The following MLLT10 variants were observed in gnomAD, a reference collection of about 807,000 sequenced individuals.
MLLT10 encodes the protein MLLT10 histone lysine methyltransferase DOT1L cofactor.
In MLLT10, 30 loss-of-function variants were observed where a neutral mutation model predicts 129.1. The observed-to-expected ratio is 0.23, with a 90% CI of 0.17 to 0.32. The LOEUF (loss-of-function observed/expected upper bound fraction) is 0.32. MLLT10 is among the 10% of genes least tolerant of loss of function. The probability of loss-of-function intolerance (pLI) is 1.00; values close to 1 mark genes in which losing one functional copy is unlikely to be tolerated. For missense variants in MLLT10, 1,119 were observed against 1,268.3 expected (o/e 0.88, Z 1.79); for synonymous variants, 490 against 446.4 (o/e 1.10, Z -1.23).
At chr10:21,572,817 T>G (rs1414609098) in intron 3 of MLLT10, among the ~76,000 whole-genome samples, 1 of 152,120 alleles carries the variant, frequency 6.6e-6, no homozygotes, top group Non-Finnish European at 1.5e-5. Flanking sequence ...TTCACCATTG[T>G]TGGCCAGGCT....
chr10:21,667,130 A>C (rs1243306334), intron 9 of MLLT10, among the ~76,000 whole-genome samples: 2 of 152,058 alleles, frequency 1.3e-5, no homozygotes, highest in African/African-American at 4.8e-5. Context: ...TTTTTCTTTT[A>C]GTACTCTCCT....
chr10:21,651,178 T>G (rs772236071), intron 8 of MLLT10, among the ~76,000 whole-genome samples: 2 of 152,104 alleles, frequency 1.3e-5, no homozygotes, highest in Non-Finnish European at 2.9e-5. Flanking sequence ...TTCAAGCGAT[T>G]CTCCTGCCTC....
chr10:21,568,724 G>A (rs1253012684), intron 3 of MLLT10, among the ~76,000 whole-genome samples: 2 of 151,912 alleles, frequency 1.3e-5, no homozygotes, highest in Admixed American at 6.6e-5. Context: ...TGCAAACTCC[G>A]CCTCCCGGGT....
intron 8 of MLLT10, among the ~76,000 whole-genome samples, chr10:21,651,369 C>T (rs769722922): frequency 2.0e-5 from 3 of 151,974 alleles, no homozygotes; most frequent in Non-Finnish European, 2.9e-5. Context: ...CATGCCTGGC[C>T]GTATTTGGTG....
At position 21,673,851 on chromosome 10, in the gene MLLT10, A is replaced by C; in HGVS notation, c.1553A>C (p.Lys518Thr). The stretch of plus-strand genomic sequence containing the variant: ...AGCATAACAAGCTCTAGTCTGCAGA[A>C]ATCTCCTACATTGCTCAGGAATGGA... Reference protein sequence around the residue: ...AGSITSSSLQKSPTLLRNGSL... With the variant: ...AGSITSSSLQTSPTLLRNGSL... Residue 518 changes from lysine to threonine, a missense_variant, in exon 11 of 23, where the codon AAA (lysine) becomes ACA (threonine). Physicochemically the swap from Lys to Thr is moderately conservative, Grantham distance 78 (BLOSUM62 -1). Transcript: ENST00000307729. The C allele has an allele frequency of 2.5e-6, 4 of 1,614,072 alleles. No individual in the cohort carries two copies. The highest frequency in any genetic ancestry group is 3.4e-6 in the Non-Finnish European group (4 of 1,179,966).
intron 5 of MLLT10, among the ~76,000 whole-genome samples, chr10:21,605,799 A>G (rs1298728609): frequency 2.6e-5 from 4 of 152,114 alleles, no homozygotes; most frequent in African/African-American, 9.7e-5. Flanking sequence ...AGGGCTTACT[A>G]TCTTTATCTT....
chr10:21,736,601 C>T (rs2058384347), intron 21 of MLLT10, among the ~76,000 whole-genome samples: 1 of 152,164 alleles, frequency 6.6e-6, no homozygotes, highest in Non-Finnish European at 1.5e-5. Flanking sequence ...GAAGACAGAA[C>T]CAACAAGACT....
At chr10:21,541,290 T>C (rs1405299954) in intron 3 of MLLT10, 2 of 152,250 alleles carry the variant, frequency 1.3e-5, no homozygotes, top group Admixed American at 6.5e-5. Context: ...CAATCATTGC[T>C]CACTGCAGCC....
chr10:21,637,477 A>G (rs1028865210), intron 8 of MLLT10, among the ~76,000 whole-genome samples: 4 of 152,208 alleles, frequency 2.6e-5, no homozygotes, highest in Non-Finnish European at 5.9e-5. Context: ...TATACTTTCC[A>G]GAAACTTGTT....
At chr10:21,556,624 T>A in intron 3 of MLLT10, 1 of 1,589,054 alleles carries the variant, frequency 6.3e-7, no homozygotes, top group Non-Finnish European at 8.6e-7. Flanking sequence ...AATAAGGGAT[T>A]GTTTTGATTG....
intron 9 of MLLT10, among the ~76,000 whole-genome samples, chr10:21,654,166 T>A (rs562617648): frequency 3.2e-4 from 49 of 152,274 alleles, no homozygotes; most frequent in Non-Finnish European, 1.5e-5. Context: ...AAAAGCCTGA[T>A]TGGAGTGCTT....
chr10:21,542,966 G>GTT (rs11462782), intron 3 of MLLT10, among the ~76,000 whole-genome samples: 2 of 144,820 alleles, frequency 1.4e-5, no homozygotes, highest in African/African-American at 5.1e-5. Context: ...TTTTTTTTTT[G>GTT]TTTTTTTTTT....
In MLLT10 at chr10:21,572,902, C is replaced by T. The variant is rs145007983; in HGVS notation, c.241-13392C>T. ...CTGGGATTACAGGCATGAGTCACCA[C>T]GCCTGGCCTAAAATTATTTTTAAAT... On this transcript the variant is annotated intron_variant, in intron 3 of 22. Coordinates refer to ENST00000307729, the MANE Select transcript of MLLT10 (RefSeq NM_001195626.3). 2.6e-3 allele frequency among the ~76,000 whole-genome samples: 396 copies of T among 152,136 alleles called. 6 individuals carry two copies. Among genetic ancestry groups the T allele is most frequent in the Non-Finnish European group, 4.6e-4 (31 of 67,998 alleles).
intron 9 of MLLT10, among the ~76,000 whole-genome samples, chr10:21,668,680 G>A (rs1471472487): frequency 6.6e-6 from 1 of 152,038 alleles, no homozygotes; most frequent in African/African-American, 2.4e-5. Context: ...CAAATGTCAT[G>A]TTTTCATGGG....
intron 14 of MLLT10, among the ~76,000 whole-genome samples, chr10:21,715,542 T>G (rs746806768): frequency 6.6e-6 from 1 of 152,254 alleles, no homozygotes; most frequent in Non-Finnish European, 1.5e-5. Flanking sequence ...GATAGTTTTA[T>G]ATCCTTGGAC....
chr10:21,718,116 A>G (rs555194123), intron 14 of MLLT10, among the ~76,000 whole-genome samples: 1 of 152,062 alleles, frequency 6.6e-6, no homozygotes, highest in East Asian at 1.9e-4. Flanking sequence ...AAGTGCTGGG[A>G]TTACAGGTGT....
In MLLT10 at chr10:21,577,461, G is replaced by GT. The variant is rs34503343; in HGVS notation, c.241-8814dup. 6.2e-3 allele frequency among the ~76,000 whole-genome samples: 788 copies of GT among 126,524 alleles called. 4 individuals are homozygous for GT. The highest frequency in any genetic ancestry group is 0.019 in the East Asian group (86 of 4,514). The allele number at this position is 126,524 out of a possible 152,430, so 83.0% of individuals were successfully genotyped here. A position where few individuals can be genotyped will look rare whatever the true frequency, so the allele number is the denominator to read the frequency against. On this transcript the variant is annotated intron_variant, in intron 3 of 22. Transcript: ENST00000307729. ...AAATTACCAGCAACAATAGATGAAG[G>GT]TTTTTTTTTTTTTTTTTTTGAGACG... is the stretch of plus-strand genomic sequence containing the variant.
At chr10:21,723,799 T>A (rs1207511155) in intron 14 of MLLT10, among the ~76,000 whole-genome samples, 1 of 152,370 alleles carries the variant, frequency 6.6e-6, no homozygotes, top group East Asian at 1.9e-4. Context: ...TGGATCTTTT[T>A]TAGAATTGTA....
intron 3 of MLLT10, among the ~76,000 whole-genome samples, chr10:21,562,319 A>G (rs1213556465): frequency 7.0e-6 from 1 of 143,594 alleles, no homozygotes; most frequent in Admixed American, 7.0e-5. Flanking sequence ...GCTTTTTTTT[A>G]TTTTTGTTTT....
Sources: allele counts gnomAD v4.1 joint callset (sites outside exome capture counted in the v4.1 genomes callset), GRCh38; gene constraint gnomAD v4.1.1; transcripts MANE v1.5; gene names NCBI Gene and HGNC (gene_info 2026-07-23, HGNC 2026-07-21).